IER3IP1: variants seen among roughly 807,000 people sequenced by gnomAD.
IER3IP1 encodes the protein immediate early response 3 interacting protein 1.
A neutral mutation model predicts 12.2 loss-of-function variants in IER3IP1; 16 were observed. That is an observed-to-expected ratio of 1.31 (90% confidence interval 0.89 to 1.99). IER3IP1 has a LOEUF of 1.99. IER3IP1 is among the 30% of genes most tolerant of loss of function. IER3IP1 has a pLI of 0.00. For missense variants in IER3IP1, 95 were observed against 95.8 expected (o/e 0.99, Z 0.03); for synonymous variants, 42 against 40.0 (o/e 1.05, Z -0.19).
chr18:47,165,878 C>A (rs2063994486), intron 1 of IER3IP1, among the ~76,000 whole-genome samples: 1 of 152,226 alleles, frequency 6.6e-6, no homozygotes, highest in Non-Finnish European at 1.5e-5. Flanking sequence ...GGCTCCAGAA[C>A]AGTGAGAAAA....
At chr18:47,169,111 TCTA>T (rs1433716094) in intron 1 of IER3IP1, among the ~76,000 whole-genome samples, 1 of 152,186 alleles carries the variant, frequency 6.6e-6, no homozygotes. Flanking sequence ...CAACCACTAA[TCTA>T]CTTTCTGTCT....
At chr18:47,176,165 C>T in intron 1 of IER3IP1, 22 bp downstream of exon 1, 1 of 1,569,744 alleles carries the variant, frequency 6.4e-7, no homozygotes, top group Non-Finnish European at 8.6e-7. Flanking sequence ...CGCCCCAGCC[C>T]GCGCCCCGCG....
At position 47,176,234 on chromosome 18, in the gene IER3IP1, C is replaced by T; in HGVS notation, c.44G>A (p.Cys15Tyr). 2 of 1,609,130 alleles carry T rather than the reference C, an allele frequency of 1.2e-6. No individual in the cohort carries two copies. Among genetic ancestry groups the T allele is most frequent in the Non-Finnish European group, 1.7e-6 (2 of 1,178,130 alleles). The change falls in exon 1 of 3, where the codon TGC becomes TAC. Residue 15 changes from cysteine to tyrosine, a missense_variant. Physicochemically the swap from Cys to Tyr is radical, Grantham distance 194. Coordinates refer to ENST00000256433, the MANE Select transcript of IER3IP1 (RefSeq NM_016097.5). ...LYSLLQAALL[C>Y]VNAIAVLHEE... ...GTGCAGCACTGCGATGGCGTTGACG[C>T]AGAGCAGGGCTGCCTGCAGCAGTGA...
At chr18:47,157,308 G>A (rs1320729792) in intron 2 of IER3IP1, 128 bp downstream of exon 2, 2 of 709,570 alleles carry the variant, frequency 2.8e-6, no homozygotes, top group South Asian at 1.7e-5. Flanking sequence ...CTTTCAAGCA[G>A]CAAAGCCATG....
intron 1 of IER3IP1, among the ~76,000 whole-genome samples, chr18:47,168,047 A>T (rs917228407): frequency 6.7e-6 from 1 of 148,444 alleles, no homozygotes; most frequent in Non-Finnish European, 1.5e-5. Context: ...AATCACTTGA[A>T]CCTGGGAAGC....
At chr18:47,174,171 G>A (rs976703034) in intron 1 of IER3IP1, among the ~76,000 whole-genome samples, 7 of 152,168 alleles carry the variant, frequency 4.6e-5, no homozygotes, top group African/African-American at 1.7e-4. Context: ...TCTGGAAGAT[G>A]ACATTTGAAT....
At chr18:47,175,067 T>C (rs1276960485) in intron 1 of IER3IP1, among the ~76,000 whole-genome samples, 1 of 152,214 alleles carries the variant, frequency 6.6e-6, no homozygotes, top group African/African-American at 2.4e-5. Context: ...CTGCTGTAAC[T>C]TCAGTTACTA....
chr18:47,157,819 GT>G (rs1236884792), intron 1 of IER3IP1, among the ~76,000 whole-genome samples: 3 of 151,902 alleles, frequency 2.0e-5, no homozygotes, highest in Non-Finnish European at 2.9e-5. Context: ...CTTTGTAACT[GT>G]TTTTTTCTCC....
rs545872537 is a variant in IER3IP1, at chr18:47,172,024, C to T, written c.91+4163G>A. 5.3e-5 allele frequency among the ~76,000 whole-genome samples: 8 copies of T among 152,198 alleles called. No homozygotes were observed. The highest frequency in any genetic ancestry group is 1.7e-4 in the African/African-American group (7 of 41,538). On this transcript the variant is annotated intron_variant, in intron 1 of 2. Coordinates refer to ENST00000256433, the MANE Select transcript of IER3IP1 (RefSeq NM_016097.5). This position sits in a 1 kb window ranked among gnomAD's most constrained non-coding sequence, Gnocchi z 4.0. ...CTCGAACTCCTGACCTCAAGTGATC[C>T]GCCCACCTTGGCCTCCCAAAGTGCT...
intron 1 of IER3IP1, 40 bp from the exon 2 acceptor site, chr18:47,157,577 A>G: frequency 6.5e-7 from 1 of 1,546,680 alleles, no homozygotes; most frequent in African/African-American, 1.4e-5. Context: ...AAGTTATTAC[A>G]CACTTGCCTT....
Position 47,153,961 on chromosome 18 carries a change from G to A in IER3IP1, c.*2216C>T, listed in dbSNP as rs1479350926. The stretch of plus-strand genomic sequence containing the variant: ...TGTGTCAGAATTCCTTTGAAAATCT[G>A]GTTCTGCTGTTAACTATAAAAGTTT... On this transcript the variant is annotated 3_prime_UTR_variant, in exon 3 of 3. Coordinates refer to ENST00000256433, the MANE Select transcript of IER3IP1 (RefSeq NM_016097.5). 1 of 152,134 alleles carries A rather than the reference G, an allele frequency of 6.6e-6. No homozygotes were observed. The highest frequency in any genetic ancestry group is 2.4e-5 in the African/African-American group (1 of 41,432). 9.4% of individuals were successfully genotyped at this position (152,134 alleles called of 1,614,324 possible).
Position 47,154,514 on chromosome 18 carries a change from C to T in IER3IP1, c.*1663G>A, listed in dbSNP as rs2144419471. ...AAAATAACATCAGATCAAGGTCTCT[C>T]TTTTCTTTCATTTTAAAAAATTTTG... On this transcript the variant is annotated 3_prime_UTR_variant, in exon 3 of 3. Coordinates refer to ENST00000256433, the MANE Select transcript of IER3IP1 (RefSeq NM_016097.5). The T allele has an allele frequency of 6.6e-6, 1 of 152,352 alleles. No individual in the cohort carries two copies. The highest frequency in any genetic ancestry group is 1.9e-4 in the East Asian group (1 of 5,188). 9.4% of individuals were successfully genotyped at this position (152,352 alleles called of 1,614,324 possible). A position where few individuals can be genotyped will look rare whatever the true frequency, so the allele number is the denominator to read the frequency against.
intron 1 of IER3IP1, among the ~76,000 whole-genome samples, chr18:47,173,385 C>T (rs889621914): frequency 7.2e-5 from 11 of 152,150 alleles, no homozygotes; most frequent in African/African-American, 2.4e-4. Context: ...CTTGCTCTGT[C>T]ACCCAGGTTG....
chr18:47,155,236 C>CT lies in IER3IP1; in HGVS notation c.*940dup, dbSNP rs1169536496. On this transcript the variant is annotated 3_prime_UTR_variant, in exon 3 of 3. Coordinates refer to ENST00000256433, the MANE Select transcript of IER3IP1 (RefSeq NM_016097.5). ...CTGAGACATAAAAACAAAAGACAAC[C>CT]TATCCAGCATCAATGTCCTATTGAC... 3 of 152,066 alleles carry CT rather than the reference C, an allele frequency of 2.0e-5. No individual in the cohort carries two copies. The highest frequency in any genetic ancestry group is 7.2e-5 in the African/African-American group (3 of 41,406). 9.4% of individuals were successfully genotyped at this position (152,066 alleles called of 1,614,324 possible).
chr18:47,175,187 G>A (rs2064028362), intron 1 of IER3IP1, among the ~76,000 whole-genome samples: 2 of 152,142 alleles, frequency 1.3e-5, no homozygotes, highest in South Asian at 4.1e-4. Context: ...GGGCATACTT[G>A]GTACACAACG....
At position 47,156,192 on chromosome 18, in the gene IER3IP1, A is replaced by T; in HGVS notation, c.234T>A (p.Leu78=). The part of the protein sequence containing the change: ...IIVNSIAIVL[L]LLFG ...CCACTGATATTCATCCAAATAATAA[A>T]AGTAACACAATTGCAATTGAGTTTA... Residue 78 remains leucine (L), a synonymous_variant, in exon 3 of 3, where the codon CTT becomes CTA. Transcript: ENST00000256433. 2 of 1,560,122 alleles carry T rather than the reference A, an allele frequency of 1.3e-6. No homozygotes were observed. Among genetic ancestry groups the T allele is most frequent in the Non-Finnish European group, 1.8e-6 (2 of 1,131,140 alleles).
chr18:47,163,893 G>A (rs1282338456), intron 1 of IER3IP1, among the ~76,000 whole-genome samples: 5 of 152,012 alleles, frequency 3.3e-5, no homozygotes, highest in African/African-American at 7.3e-5. Flanking sequence ...ACCTTTACAT[G>A]GTATTGATAG....
intron 1 of IER3IP1, among the ~76,000 whole-genome samples, chr18:47,171,442 A>G (rs1355100284): frequency 6.6e-6 from 1 of 152,186 alleles, no homozygotes; most frequent in Non-Finnish European, 1.5e-5. Flanking sequence ...TTTGTGAGAA[A>G]TTGGTATTAA....
chr18:47,163,738 A>T (rs2063987093), intron 1 of IER3IP1, among the ~76,000 whole-genome samples: 1 of 152,196 alleles, frequency 6.6e-6, no homozygotes, highest in Non-Finnish European at 1.5e-5. Context: ...TTTGAAAATC[A>T]TACACATATT....
Sources: allele counts gnomAD v4.1 joint callset (sites outside exome capture counted in the v4.1 genomes callset), GRCh38; gene constraint gnomAD v4.1.1; non-coding constraint Gnocchi (gnomAD v3.1); transcripts MANE v1.5; gene names NCBI Gene and HGNC (gene_info 2026-07-23, HGNC 2026-07-21).